The following NFIA variants were observed in gnomAD, a reference collection of about 807,000 sequenced individuals.
The protein encoded by NFIA is nuclear factor 1 A-type.
Under a neutral mutation model 62.8 loss-of-function variants are expected in NFIA, and 8 were observed. That is an observed-to-expected ratio of 0.13 (90% confidence interval 0.07 to 0.23). The LOEUF (loss-of-function observed/expected upper bound fraction) is 0.23. Among genes scored for constraint, NFIA ranks in the 10% least tolerant of loss-of-function variants. NFIA has a pLI of 1.00. For missense variants in NFIA, 410 were observed against 642.1 expected, an observed-to-expected ratio of 0.64 and a Z score of 3.91; for synonymous variants, 235 against 238.1, an observed-to-expected ratio of 0.99 and a Z score of 0.12.
At chr1:61,164,781 C>G (rs886717678) in intron 2 of NFIA, among the ~76,000 whole-genome samples, 3 of 152,010 alleles carry the variant, frequency 2.0e-5, no homozygotes, top group African/African-American at 7.2e-5. Flanking sequence ...GCTTTCTAGC[C>G]TCTACAGTGG....
At chr1:61,179,930 T>C (rs905607415) in intron 2 of NFIA, among the ~76,000 whole-genome samples, 2 of 152,208 alleles carry the variant, frequency 1.3e-5, no homozygotes, top group African/African-American at 4.8e-5. Context: ...TTTCTTTCAC[T>C]CTGTTTATCT....
At chr1:61,271,682 G>T (rs547969459) in intron 2 of NFIA, among the ~76,000 whole-genome samples, 15 of 152,278 alleles carry the variant, frequency 9.9e-5, no homozygotes, top group African/African-American at 3.6e-4. Context: ...GTGCAAACTA[G>T]CCTGGTCCTT....
intron 5 of NFIA, among the ~76,000 whole-genome samples, chr1:61,354,346 G>T (rs551060536): frequency 6.6e-6 from 1 of 152,258 alleles, no homozygotes; most frequent in East Asian, 1.9e-4. Flanking sequence ...ACGATGTACA[G>T]GTTAGAAAGT....
chr1:61,416,946 A>G (rs1666375256), intron 9 of NFIA, among the ~76,000 whole-genome samples: 1 of 152,060 alleles, frequency 6.6e-6, no homozygotes, highest in Non-Finnish European at 1.5e-5. Flanking sequence ...CAAGAATAAC[A>G]CCATCCTGGG....
At chr1:61,191,133 C>T (rs1392709702) in intron 2 of NFIA, among the ~76,000 whole-genome samples, 1 of 151,202 alleles carries the variant, frequency 6.6e-6, no homozygotes, top group Non-Finnish European at 1.5e-5. Context: ...TGCTTAGCTA[C>T]ATTAATCTGT....
At chr1:61,255,802 AC>A (rs1656354614) in intron 2 of NFIA, among the ~76,000 whole-genome samples, 1 of 152,190 alleles carries the variant, frequency 6.6e-6, no homozygotes, top group African/African-American at 2.4e-5. Context: ...TAGGATTCTT[AC>A]TATCATACAA....
At position 61,247,592 on chromosome 1, in the gene NFIA, G is replaced by T. The variant is rs567549621; in HGVS notation, c.560-29928G>T. The stretch of plus-strand genomic sequence containing the variant: ...ATTGCTCTTGATGCCACACTTAATG[G>T]GTGGGGGAAGAAAGTAGCATTATGT... On this transcript the variant is annotated intron_variant, in intron 2 of 10. Coordinates refer to ENST00000403491, the MANE Select transcript of NFIA (RefSeq NM_001134673.4). Among the ~76,000 whole-genome samples, 5 of 152,272 alleles carry T rather than the reference G, an allele frequency of 3.3e-5. No homozygotes were observed. In the East Asian group the frequency reaches 7.7e-4, roughly 24 times the overall value.
At chr1:61,211,640 GT>G (rs1197503162) in intron 2 of NFIA, among the ~76,000 whole-genome samples, 1 of 152,160 alleles carries the variant, frequency 6.6e-6, no homozygotes, top group Non-Finnish European at 1.5e-5. Flanking sequence ...AATTAAACAT[GT>G]TTTCTCCCAC....
At chr1:61,352,337 C>A in intron 4 of NFIA, 113 bp from the exon 5 acceptor site, 1 of 699,534 alleles carries the variant, frequency 1.4e-6, no homozygotes, top group Admixed American at 2.5e-5. Flanking sequence ...ATTTTCGATT[C>A]GCTTACATAT....
chr1:61,380,263 T>C (rs1428413097), intron 6 of NFIA, among the ~76,000 whole-genome samples: 2 of 152,216 alleles, frequency 1.3e-5, no homozygotes, highest in Non-Finnish European at 2.9e-5. Flanking sequence ...TTTTTCTGCA[T>C]TGAACTTTGA....
intron 2 of NFIA, among the ~76,000 whole-genome samples, chr1:61,198,914 G>A (rs930284561): frequency 6.6e-6 from 1 of 152,130 alleles, no homozygotes; most frequent in African/African-American, 2.4e-5. Flanking sequence ...CACCACCCCG[G>A]CTTGCCCCCC....
chr1:61,400,525 A>G (rs1024911670), intron 7 of NFIA, among the ~76,000 whole-genome samples: 4 of 152,244 alleles, frequency 2.6e-5, no homozygotes, highest in Admixed American at 2.6e-4. Context: ...GATGCACTGC[A>G]ATAAACTGTA....
chr1:61,214,357 G>C (rs1653470370), intron 2 of NFIA, among the ~76,000 whole-genome samples: 1 of 151,778 alleles, frequency 6.6e-6, no homozygotes, highest in South Asian at 2.1e-4. Context: ...TGGAAAGCCA[G>C]AATTTTGCTA....
chr1:61,423,976 G>A (rs1201486289), intron 9 of NFIA, among the ~76,000 whole-genome samples: 1 of 151,654 alleles, frequency 6.6e-6, no homozygotes, highest in Non-Finnish European at 1.5e-5. Context: ...TTTTGTAGCT[G>A]TTATATATGA....
At chr1:61,201,391 A>G (rs947192015) in intron 2 of NFIA, among the ~76,000 whole-genome samples, 6 of 152,030 alleles carry the variant, frequency 3.9e-5, no homozygotes, top group Non-Finnish European at 8.8e-5. Flanking sequence ...GCTCAAAGAG[A>G]TACATTTGTT....
chr1:61,372,901 G>T (rs12075102), intron 6 of NFIA, among the ~76,000 whole-genome samples: 1 of 152,138 alleles, frequency 6.6e-6, no homozygotes, highest in Non-Finnish European at 1.5e-5. Flanking sequence ...GAATGGGCTA[G>T]AAGTTTTCTG....
intron 7 of NFIA, among the ~76,000 whole-genome samples, chr1:61,394,169 T>C (rs1329549584): frequency 6.6e-6 from 1 of 152,144 alleles, no homozygotes; most frequent in African/African-American, 2.4e-5. Flanking sequence ...CGCTATTCTT[T>C]CTTACCCCCC....
At chr1:61,184,370 T>A (rs1415281787) in intron 2 of NFIA, among the ~76,000 whole-genome samples, 1 of 152,228 alleles carries the variant, frequency 6.6e-6, no homozygotes, top group African/African-American at 2.4e-5. Flanking sequence ...ATTTCCTTGT[T>A]TCTAAAAAAC....
chr1:61,372,007 G>C (rs1021651282), intron 6 of NFIA, among the ~76,000 whole-genome samples: 4 of 152,124 alleles, frequency 2.6e-5, no homozygotes, highest in Admixed American at 2.0e-4. Flanking sequence ...AGAGTTGCCT[G>C]TATAAAATTG....
Sources: gnomAD v4.1 joint callset for allele counts (sites outside exome capture counted in the v4.1 genomes callset) on GRCh38, gnomAD v4.1.1 for gene constraint, MANE v1.5 for transcripts, NCBI Gene and HGNC (gene_info 2026-07-23, HGNC 2026-07-21) for gene names.